The following CLVS1 variants were observed in gnomAD, a reference collection of about 807,000 sequenced individuals.
The protein encoded by CLVS1 is clavesin-1.
In CLVS1, 10 loss-of-function variants were observed where a neutral mutation model predicts 33.1. The observed-to-expected ratio is 0.30, with a 90% CI of 0.19 to 0.51. The LOEUF (loss-of-function observed/expected upper bound fraction) is 0.51, where lower values mean the gene tolerates loss of function less well. Among genes scored for constraint, CLVS1 ranks in the 20% least tolerant of loss-of-function variants. CLVS1 has a pLI of 0.97. For missense variants in CLVS1, 343 were observed against 433.4 expected (o/e 0.79, Z 1.85); for synonymous variants, 163 against 166.1 (o/e 0.98, Z 0.14).
the CLVS1 span, among the ~76,000 whole-genome samples, chr8:60,976,715 C>G: frequency 2.4e-4 from 36 of 152,366 alleles, no homozygotes; most frequent in African/African-American, 8.2e-4. Flanking sequence ...TGGCAATTTT[C>G]AGTGAATTTC....
At chr8:61,498,195 C>T (rs1286359943) in intron 5 of CLVS1, among the ~76,000 whole-genome samples, 1 of 152,152 alleles carries the variant, frequency 6.6e-6, no homozygotes, top group African/African-American at 2.4e-5. Context: ...TTAAAAGGGT[C>T]AAACTGATAC....
intron 2 of CLVS1, among the ~76,000 whole-genome samples, chr8:61,344,342 C>A (rs909161777): frequency 6.6e-6 from 1 of 152,178 alleles, no homozygotes; most frequent in Non-Finnish European, 1.5e-5. Flanking sequence ...CCACCGCACT[C>A]GGCCTAGAGC....
the CLVS1 span, among the ~76,000 whole-genome samples, chr8:60,979,683 C>T: frequency 2.0e-5 from 3 of 152,118 alleles, no homozygotes; most frequent in African/African-American, 7.2e-5. Context: ...TCCACCAACC[C>T]CAGGTGAGGA....
At chr8:61,111,880 C>A (rs920834188) in intron 1 of CLVS1, among the ~76,000 whole-genome samples, 1 of 151,928 alleles carries the variant, frequency 6.6e-6, no homozygotes, top group African/African-American at 2.4e-5. Context: ...TAGAGTTTTG[C>A]AGAAAATTGG....
intron 5 of CLVS1, among the ~76,000 whole-genome samples, chr8:61,472,924 A>G (rs1817780445): frequency 6.6e-6 from 1 of 152,240 alleles, no homozygotes; most frequent in African/African-American, 2.4e-5. Context: ...AACCTGGCGG[A>G]CACTGCCCCT....
chr8:61,484,477 A>G (rs542438710), intron 5 of CLVS1, among the ~76,000 whole-genome samples: 2 of 152,232 alleles, frequency 1.3e-5, no homozygotes, highest in South Asian at 2.1e-4. Flanking sequence ...TTCCATGCTC[A>G]TGGGTAGGAA....
intron 3 of CLVS1, among the ~76,000 whole-genome samples, chr8:61,440,635 G>C (rs1308793120): frequency 2.0e-5 from 3 of 152,220 alleles, no homozygotes; most frequent in Non-Finnish European, 4.4e-5. Flanking sequence ...TTGATCTGCT[G>C]ATCTGGGCTA....
At chr8:60,973,930 C>T in the CLVS1 span, among the ~76,000 whole-genome samples, 1 of 152,162 alleles carries the variant, frequency 6.6e-6, no homozygotes, top group Non-Finnish European at 1.5e-5. Context: ...TAGCTGCCCA[C>T]TGTAACAAGA....
the CLVS1 span, among the ~76,000 whole-genome samples, chr8:60,982,329 G>A: frequency 1.7e-4 from 26 of 152,328 alleles, no homozygotes; most frequent in Non-Finnish European, 2.9e-4. Flanking sequence ...GTGGGTTATT[G>A]TTGAGGGAAT....
chr8:60,989,230 G>C, the CLVS1 span, among the ~76,000 whole-genome samples: 1 of 152,112 alleles, frequency 6.6e-6, no homozygotes, highest in East Asian at 1.9e-4. Context: ...GCCCAGGCTG[G>C]AGTGCAATGG....
rs144134476 is a variant in CLVS1, at chr8:61,351,680, G to A, written c.456-24925G>A. ...AAAAGACAAAGGAAATATCTAGAAG[G>A]CAGTCAGAGAGAAAGAACACATCAC... On this transcript the variant is annotated intron_variant, in intron 2 of 5. Coordinates refer to ENST00000325897, the MANE Select transcript of CLVS1 (RefSeq NM_173519.3). 3.3e-5 allele frequency among the ~76,000 whole-genome samples: 5 copies of A among 152,096 alleles called. No individual in the cohort carries two copies. In the East Asian group the frequency reaches 9.6e-4, roughly 29 times the overall value.
intron 1 of CLVS1, among the ~76,000 whole-genome samples, chr8:61,095,085 A>G (rs1334792970): frequency 6.6e-6 from 1 of 152,184 alleles, no homozygotes; most frequent in Non-Finnish European, 1.5e-5. Flanking sequence ...TTAAATACTG[A>G]TTAAGTCTCT....
the CLVS1 span, among the ~76,000 whole-genome samples, chr8:61,022,387 G>A: frequency 6.6e-6 from 1 of 152,164 alleles, no homozygotes; most frequent in African/African-American, 2.4e-5. Flanking sequence ...TATTTGTATC[G>A]ACAAGGAGAC....
At chr8:61,188,412 G>A (rs112076682) in intron 2 of CLVS1, among the ~76,000 whole-genome samples, 9 of 152,022 alleles carry the variant, frequency 5.9e-5, no homozygotes, top group African/African-American at 2.2e-4. Flanking sequence ...AAAAAAATCA[G>A]AACACATTAG....
chr8:61,378,743 G>A (rs764982936), intron 3 of CLVS1, among the ~76,000 whole-genome samples: 3 of 152,180 alleles, frequency 2.0e-5, no homozygotes, highest in Admixed American at 6.5e-5. Flanking sequence ...ACAGTGGATG[G>A]TCAACTCTGC....
the CLVS1 span, among the ~76,000 whole-genome samples, chr8:61,048,563 C>G: frequency 6.6e-6 from 1 of 152,222 alleles, no homozygotes; most frequent in African/African-American, 2.4e-5. Context: ...TTTCCCTCAG[C>G]TGATGGGAGC....
intron 2 of CLVS1, among the ~76,000 whole-genome samples, chr8:61,179,179 A>G (rs909298379): frequency 6.6e-6 from 1 of 152,244 alleles, no homozygotes; most frequent in Non-Finnish European, 1.5e-5. Context: ...AAAGAAAAAA[A>G]AGCAGGGGTT....
chr8:61,096,411 C>T (rs572839463), intron 1 of CLVS1, among the ~76,000 whole-genome samples: 1 of 152,262 alleles, frequency 6.6e-6, no homozygotes, highest in Non-Finnish European at 1.5e-5. Flanking sequence ...TTCTAAAAAT[C>T]AGGATATGTA....
chr8:61,047,382 T>C, the CLVS1 span, among the ~76,000 whole-genome samples: 1 of 152,234 alleles, frequency 6.6e-6, no homozygotes, highest in East Asian at 1.9e-4. Flanking sequence ...GTTCAACCAT[T>C]GTGGAAGTCA....
Sources: gnomAD v4.1 joint callset for allele counts (sites outside exome capture counted in the v4.1 genomes callset) on GRCh38, gnomAD v4.1.1 for gene constraint, MANE v1.5 for transcripts, NCBI Gene and HGNC (gene_info 2026-07-23, HGNC 2026-07-21) for gene names.